EPHA6: variants seen among roughly 807,000 people sequenced by gnomAD.
EPHA6 encodes the protein EPH receptor A6.
Under a neutral mutation model 112.0 loss-of-function variants are expected in EPHA6, and 50 were observed. The ratio of observed to expected loss-of-function variants is 0.45; its 90% confidence interval spans 0.36 to 0.56. EPHA6 has a LOEUF of 0.56. Ranked by LOEUF, EPHA6 falls within the 20% of genes least tolerant of loss-of-function variation. EPHA6 has a pLI of 0.00. For synonymous variants in EPHA6, 529 were observed against 490.7 expected (o/e 1.08, Z -1.03); for missense variants, 1,280 against 1,417.4 (o/e 0.90, Z 1.56).
chr3:97,378,637 C>T (rs2085525507), intron 5 of EPHA6, among the ~76,000 whole-genome samples: 1 of 152,168 alleles, frequency 6.6e-6, no homozygotes, highest in Admixed American at 6.5e-5. Flanking sequence ...TGGGAACCCA[C>T]CGCTTGCATC....
chr3:96,983,144 G>A (rs530124683), intron 2 of EPHA6, among the ~76,000 whole-genome samples: 29 of 152,234 alleles, frequency 1.9e-4, no homozygotes, highest in African/African-American at 6.5e-4. Context: ...TTTCTTCCTA[G>A]CCTCGATGGT....
intron 5 of EPHA6, among the ~76,000 whole-genome samples, chr3:97,355,523 A>G (rs1006979816): frequency 4.6e-5 from 7 of 152,284 alleles, no homozygotes; most frequent in African/African-American, 1.7e-4. Context: ...CAAAAAACAT[A>G]CAACAGACAA....
At chr3:97,064,316 G>A (rs773837921) in intron 3 of EPHA6, among the ~76,000 whole-genome samples, 18 of 152,210 alleles carry the variant, frequency 1.2e-4, no homozygotes, top group South Asian at 4.1e-4. Context: ...ATGATTACAC[G>A]TGTGCTCCTG....
chr3:97,378,759 G>T (rs1165475226), intron 5 of EPHA6, among the ~76,000 whole-genome samples: 1 of 152,092 alleles, frequency 6.6e-6, no homozygotes, highest in Admixed American at 6.5e-5. Context: ...CATTTGTTTT[G>T]GCCAATTTCT....
chr3:97,736,389 G>T (rs2035252941), intron 16 of EPHA6, among the ~76,000 whole-genome samples: 1 of 144,832 alleles, frequency 6.9e-6, no homozygotes, highest in Admixed American at 6.9e-5. Flanking sequence ...TTCCTGTTTG[G>T]GTCTTTGATA....
intron 1 of EPHA6, among the ~76,000 whole-genome samples, chr3:96,822,675 ATACTT>A (rs1406332194): frequency 2.7e-5 from 4 of 150,872 alleles, no homozygotes; most frequent in Non-Finnish European, 5.9e-5. Flanking sequence ...AAAAAGTAAG[ATACTT>A]TATATATAAT....
At position 96,900,802 on chromosome 3, in the gene EPHA6, T is replaced by C. The variant is rs114045595; in HGVS notation, c.450+33913T>C. Among the ~76,000 whole-genome samples, 447 of 152,324 alleles carry C rather than the reference T, an allele frequency of 2.9e-3. 4 individuals carry two copies. The highest frequency in any genetic ancestry group is 9.8e-3 in the African/African-American group (407 of 41,586). Reference sequence around the variant, plus strand: ...ACTGTTTTCAAAGAATTGCTTGTTATGAGGAGGAGGACAGGAGGAAACATT... The same window carrying C: ...ACTGTTTTCAAAGAATTGCTTGTTACGAGGAGGAGGACAGGAGGAAACATT... On this transcript the variant is annotated intron_variant, in intron 2 of 17. Transcript: ENST00000389672.
chr3:97,644,384 A>G (rs2094038276), intron 14 of EPHA6, among the ~76,000 whole-genome samples: 2 of 148,406 alleles, frequency 1.3e-5, no homozygotes, highest in Admixed American at 6.7e-5. Flanking sequence ...AAGAACTAGA[A>G]AAGCAAGAGC....
At chr3:97,687,956 G>A (rs981016111) in intron 14 of EPHA6, among the ~76,000 whole-genome samples, 2 of 152,198 alleles carry the variant, frequency 1.3e-5, no homozygotes, top group Non-Finnish European at 2.9e-5. Flanking sequence ...TAAAGCCCTG[G>A]TTGGAAGTGA....
intron 14 of EPHA6, among the ~76,000 whole-genome samples, chr3:97,681,793 A>G (rs1292987354): frequency 6.6e-6 from 1 of 152,096 alleles, no homozygotes; most frequent in Non-Finnish European, 1.5e-5. Context: ...CATATCCTGA[A>G]GCATGATATG....
rs2036031018 is a variant in EPHA6, at chr3:97,756,560, ACT to A, written c.*7862_*7863del. On this transcript the variant is annotated 3_prime_UTR_variant, in exon 18 of 18. Transcript: ENST00000389672. The stretch of plus-strand genomic sequence containing the variant: ...TGAAGTTTGGAATTTATTTTAATGT[ACT>A]CTTTCTTCCCATGCTAGATATGTCT... Among the ~76,000 whole-genome samples the A allele has an allele frequency of 6.6e-6, 1 of 151,840 alleles. No homozygotes were observed. The highest frequency in any genetic ancestry group is 1.9e-4 in the East Asian group (1 of 5,202).
intron 11 of EPHA6, among the ~76,000 whole-genome samples, chr3:97,538,009 T>A (rs996821969): frequency 1.3e-5 from 2 of 152,180 alleles, no homozygotes; most frequent in African/African-American, 4.8e-5. Context: ...GAGCAAACCA[T>A]GCCTAGGTGT....
At chr3:97,481,706 C>T (rs565197760) in intron 9 of EPHA6, among the ~76,000 whole-genome samples, 5 of 152,112 alleles carry the variant, frequency 3.3e-5, no homozygotes, top group Admixed American at 2.6e-4. Flanking sequence ...GCCCCGCCCC[C>T]TGTGAGGAAC....
At chr3:97,556,325 T>A (rs115189756) in intron 11 of EPHA6, among the ~76,000 whole-genome samples, 1 of 152,206 alleles carries the variant, frequency 6.6e-6, no homozygotes, top group Admixed American at 6.6e-5. Flanking sequence ...TGCATTAGTC[T>A]ATTACCATGC....
At chr3:97,008,157 C>T (rs1028194330) in intron 3 of EPHA6, among the ~76,000 whole-genome samples, 1 of 152,128 alleles carries the variant, frequency 6.6e-6, no homozygotes. Context: ...GTCTGTCTTG[C>T]TAGGTTGAGG....
chr3:96,904,424 A>T (rs62263678), intron 2 of EPHA6, among the ~76,000 whole-genome samples: 4,467 of 128,490 alleles, frequency 0.035, 98 homozygotes, highest in Middle Eastern at 0.081. Flanking sequence ...ACATGGACAC[A>T]GGAAGGGGAA....
At chr3:97,268,953 T>C (rs2079788713) in intron 5 of EPHA6, among the ~76,000 whole-genome samples, 1 of 152,338 alleles carries the variant, frequency 6.6e-6, no homozygotes, top group African/African-American at 2.4e-5. Context: ...AATTGAACTC[T>C]TGAGTTTCTA....
intron 3 of EPHA6, among the ~76,000 whole-genome samples, chr3:97,213,553 G>A (rs1266875601): frequency 1.3e-5 from 2 of 152,174 alleles, no homozygotes; most frequent in Non-Finnish European, 2.9e-5. Flanking sequence ...TTGTCCTGGA[G>A]CTGTCTATGG....
At chr3:96,845,245 T>G (rs938656197) in intron 1 of EPHA6, among the ~76,000 whole-genome samples, 8 of 152,046 alleles carry the variant, frequency 5.3e-5, no homozygotes, top group Admixed American at 2.6e-4. Context: ...AAATGTAAGT[T>G]GCATTTCTTC....
Sources: allele counts gnomAD v4.1 joint callset (sites outside exome capture counted in the v4.1 genomes callset), GRCh38; gene constraint gnomAD v4.1.1; transcripts MANE v1.5; gene names NCBI Gene and HGNC (gene_info 2026-07-23, HGNC 2026-07-21).